The following ZNF480 variants were observed in gnomAD, a reference collection of about 807,000 sequenced individuals.
ZNF480 encodes zinc finger protein 480.
ZNF480 carries 15 observed loss-of-function variants against 14.4 expected under a neutral mutation model. The observed-to-expected ratio is 1.04, with a 90% CI of 0.70 to 1.60. The LOEUF (loss-of-function observed/expected upper bound fraction) is 1.60. ZNF480 is among the 40% of genes most tolerant of loss of function. The pLI, the probability that ZNF480 is intolerant of heterozygous loss-of-function variation, is 0.00. For missense variants in ZNF480, 593 were observed against 629.7 expected (o/e 0.94, Z 0.62); for synonymous variants, 218 against 215.5 (o/e 1.01, Z -0.10).
chr19:52,306,505 T>G (rs1350104308), intron 2 of ZNF480, among the ~76,000 whole-genome samples: 1 of 152,188 alleles, frequency 6.6e-6, no homozygotes, highest in African/African-American at 2.4e-5. Context: ...GCAGCCTGGA[T>G]GGAAGCTTCA....
At chr19:52,305,088 G>T (rs937946607) in intron 2 of ZNF480, among the ~76,000 whole-genome samples, 6 of 152,136 alleles carry the variant, frequency 3.9e-5, no homozygotes, top group Non-Finnish European at 5.9e-5. Flanking sequence ...GATGGAGCCA[G>T]ACTCTGTCTC....
At chr19:52,312,520 AG>A (rs1271690398) in intron 2 of ZNF480, among the ~76,000 whole-genome samples, 5 of 152,012 alleles carry the variant, frequency 3.3e-5, no homozygotes, top group African/African-American at 9.7e-5. Flanking sequence ...CTTTTTTCTT[AG>A]GTAATTGTCA....
At chr19:52,312,601 G>C (rs933223190) in intron 2 of ZNF480, among the ~76,000 whole-genome samples, 3 of 152,170 alleles carry the variant, frequency 2.0e-5, no homozygotes, top group Non-Finnish European at 4.4e-5. Flanking sequence ...GGACGCCTGG[G>C]ATCTGGTGCT....
At position 52,315,835 on chromosome 19, in the gene ZNF480, AATCTC is replaced by A; in HGVS notation, c.202_206del (p.Ile68SerfsTer3). On this transcript the variant is annotated frameshift_variant and splice_region_variant, in exon 4 of 5. Transcript: ENST00000595962. LOFTEE classifies it high-confidence loss of function. The stretch of plus-strand genomic sequence containing the variant: ...TTTGATTTTTTTTTTTACAAACAGG[AATCTC>A]TCTTCCTGACCTGAATATTAACTCC... 1 of 1,605,584 alleles carries A rather than the reference AATCTC, an allele frequency of 6.2e-7. No individual in the cohort carries two copies. The highest frequency in any genetic ancestry group is 8.5e-7 in the Non-Finnish European group (1 of 1,175,568).
intron 4 of ZNF480, among the ~76,000 whole-genome samples, chr19:52,317,214 C>A (rs1038159764): frequency 6.6e-6 from 1 of 151,984 alleles, no homozygotes; most frequent in Non-Finnish European, 1.5e-5. Context: ...GACAGGGTTT[C>A]ACCATATTGG....
chr19:52,314,007 A>T (rs1339486703), intron 2 of ZNF480, 146 bp from the exon 3 acceptor site: 1 of 885,910 alleles, frequency 1.1e-6, no homozygotes. Flanking sequence ...ACATTTACAG[A>T]CACATAACTA....
intron 3 of ZNF480, 149 bp downstream of exon 3, chr19:52,314,428 G>A (rs1568633612): frequency 1.4e-5 from 6 of 416,032 alleles, no homozygotes; most frequent in Non-Finnish European, 2.1e-5. Flanking sequence ...TTGGTGAGCC[G>A]AGATCACGTC....
intron 4 of ZNF480, among the ~76,000 whole-genome samples, chr19:52,316,384 C>G (rs769671093): frequency 5.8e-4 from 88 of 152,140 alleles, no homozygotes; most frequent in Non-Finnish European, 1.0e-3. Context: ...CTGCACCATG[C>G]CTGGCTAATT....
At position 52,325,305 on chromosome 19, in the gene ZNF480, A is replaced by G. The variant is rs1984044335; in HGVS notation, c.*2447A>G. ...CTAGTGAGGCTGCAGAGAAAAGCAAATACTTATACACTGCTGGTGGGAATG... is the reference window on the plus strand; with the variant it reads ...CTAGTGAGGCTGCAGAGAAAAGCAAGTACTTATACACTGCTGGTGGGAATG... On this transcript the variant is annotated 3_prime_UTR_variant, in exon 5 of 5. Transcript: ENST00000595962. 2 of 150,712 alleles carry G rather than the reference A, an allele frequency of 1.3e-5. No individual in the cohort carries two copies. Among genetic ancestry groups the G allele is most frequent in the Admixed American group, 6.6e-5 (1 of 15,120 alleles). The allele number at this position is 150,712 out of a possible 1,614,324, so 9.3% of individuals were successfully genotyped here. A position where few individuals can be genotyped will look rare whatever the true frequency, so the allele number is the denominator to read the frequency against.
intron 4 of ZNF480, among the ~76,000 whole-genome samples, chr19:52,318,390 G>T (rs771758324): frequency 5.3e-5 from 8 of 152,172 alleles, no homozygotes; most frequent in African/African-American, 1.9e-4. Flanking sequence ...TTACAGGCAT[G>T]AGCCACCACA....
At chr19:52,301,213 C>T (rs1041566788) in intron 2 of ZNF480, 2 of 152,430 alleles carry the variant, frequency 1.3e-5, no homozygotes, top group Non-Finnish European at 2.9e-5. Flanking sequence ...ACAAACAACA[C>T]AGATTAAAAG....
intron 2 of ZNF480, among the ~76,000 whole-genome samples, chr19:52,311,004 C>CAA (rs972255252): frequency 1.0e-3 from 60 of 59,710 alleles, no homozygotes; most frequent in Middle Eastern, 8.9e-3. Context: ...GATTCCGCCT[C>CAA]AAAAAAAAAA....
At position 52,300,489 on chromosome 19, in the gene ZNF480, G is replaced by T. The variant is rs1202560939; in HGVS notation, c.72+5G>T. The T allele has an allele frequency of 2.5e-6, 4 of 1,611,338 alleles. No homozygotes were observed. The highest frequency in any genetic ancestry group is 3.4e-6 in the Non-Finnish European group (4 of 1,179,808). On this transcript the variant is annotated splice_donor_5th_base_variant and intron_variant, in intron 2 of 4. Transcript: ENST00000595962. ...TCAGGGATGGCTCTTCCTCAGGTGAGATGATATTCTCGGTGGATTGTTCTG... is the reference window on the plus strand; with the variant it reads ...TCAGGGATGGCTCTTCCTCAGGTGATATGATATTCTCGGTGGATTGTTCTG...
At chr19:52,307,665 GTGA>G (rs200432209) in intron 2 of ZNF480, 84,525 of 151,964 alleles carry the variant, frequency 0.56, 24,078 homozygotes, top group Non-Finnish European at 0.62. Context: ...CAGCAAGCCA[GTGA>G]TAAGCATTGT....
intron 2 of ZNF480, among the ~76,000 whole-genome samples, chr19:52,308,499 G>A (rs1221720574): frequency 6.6e-6 from 1 of 151,758 alleles, no homozygotes; most frequent in Non-Finnish European, 1.5e-5. Flanking sequence ...TAGAGATGGG[G>A]TTTCAACATG....
At chr19:52,316,957 A>AC (rs1260019618) in intron 4 of ZNF480, among the ~76,000 whole-genome samples, 1 of 152,162 alleles carries the variant, frequency 6.6e-6, no homozygotes, top group Non-Finnish European at 1.5e-5. Flanking sequence ...CCATTGGTGG[A>AC]CACCTGCATT....
chr19:52,299,507 C>T (rs952484700), intron 1 of ZNF480, among the ~76,000 whole-genome samples: 3 of 152,154 alleles, frequency 2.0e-5, no homozygotes, highest in Non-Finnish European at 4.4e-5. Flanking sequence ...TTGAAGATTC[C>T]CTTGACCCTT....
chr19:52,315,149 A>G (rs10419765), intron 3 of ZNF480, among the ~76,000 whole-genome samples: 85,264 of 151,588 alleles, frequency 0.56, 24,184 homozygotes, highest in Non-Finnish European at 0.59. Context: ...CATTTTTACA[A>G]TGTTGGCCAG....
chr19:52,299,172 G>A (rs1982563813), intron 1 of ZNF480, among the ~76,000 whole-genome samples: 1 of 152,128 alleles, frequency 6.6e-6, no homozygotes, highest in Non-Finnish European at 1.5e-5. Context: ...CCTTTTCCTG[G>A]GATGGGGTAG....
Sources: allele counts gnomAD v4.1 joint callset (sites outside exome capture counted in the v4.1 genomes callset), GRCh38; gene constraint gnomAD v4.1.1; transcripts MANE v1.5; gene names NCBI Gene and HGNC (gene_info 2026-07-23, HGNC 2026-07-21).